PITPNM2: variants seen among roughly 807,000 people sequenced by gnomAD.
PITPNM2 encodes the protein phosphatidylinositol transfer protein membrane associated 2.
Under a neutral mutation model 132.2 loss-of-function variants are expected in PITPNM2, and 35 were observed. The ratio of observed to expected loss-of-function variants is 0.26; its 90% confidence interval spans 0.20 to 0.35. The LOEUF (loss-of-function observed/expected upper bound fraction) is 0.35, where lower values mean the gene tolerates loss of function less well. PITPNM2 is among the 10% of genes least tolerant of loss of function. The pLI is 1.00. For synonymous variants in PITPNM2, 738 were observed against 799.2 expected (o/e 0.92, Z 1.29); for missense variants, 1,332 against 1,912.0 (o/e 0.70, Z 5.66).
chr12:123,005,562 G>A lies in PITPNM2; in HGVS notation c.644-14C>T, dbSNP rs1339168619. 6.2e-7 allele frequency: 1 copy of A among 1,607,544 alleles called. No individual in the cohort carries two copies. The highest frequency in any genetic ancestry group is 1.1e-5 in the South Asian group (1 of 90,868). On this transcript the variant is annotated splice_polypyrimidine_tract_variant and intron_variant, in intron 6 of 25. Transcript: ENST00000320201. This position sits in a 1 kb window ranked among gnomAD's most constrained non-coding sequence, Gnocchi z 6.2. The stretch of plus-strand genomic sequence containing the variant: ...CCCTCCGTAGTCCTGTGCCCCATGG[G>A]GATCAGAGAGGGAGAGACGAGGGGA...
At chr12:123,057,878 G>A (rs1464193457) in intron 2 of PITPNM2, among the ~76,000 whole-genome samples, 1 of 152,192 alleles carries the variant, frequency 6.6e-6, no homozygotes, top group African/African-American at 2.4e-5. Flanking sequence ...GGGGGAATCA[G>A]GTGCAGCTGC....
Position 123,043,770 on chromosome 12 carries a change from C to T in PITPNM2, c.-95-9085G>A, listed in dbSNP as rs58705131. 2.2e-3 allele frequency among the ~76,000 whole-genome samples: 332 copies of T among 152,340 alleles called. 1 individual carries two copies. Among genetic ancestry groups the T allele is most frequent in the African/African-American group, 7.6e-3 (318 of 41,580 alleles). ...GTGGTACAGACCACAGAGCAGGCTC[C>T]GAGAGGGCGCATCCTGCTCAAGGAC... On this transcript the variant is annotated intron_variant, in intron 2 of 25. Coordinates refer to ENST00000320201, the MANE Select transcript of PITPNM2 (RefSeq NM_020845.3).
At chr12:122,995,070 T>C in intron 14 of PITPNM2, 91 bp from the exon 15 acceptor site, 3 of 1,367,598 alleles carry the variant, frequency 2.2e-6, no homozygotes, top group Non-Finnish European at 2.9e-6. Context: ...CCAACCTCTC[T>C]CGGGGGCCCA....
intron 2 of PITPNM2, among the ~76,000 whole-genome samples, chr12:123,039,122 T>G (rs1487062874): frequency 6.6e-6 from 1 of 152,012 alleles, no homozygotes; most frequent in Non-Finnish European, 1.5e-5. Context: ...CCTCCCACCA[T>G]GCACCCCTGG....
rs2042103318 is a variant in PITPNM2, at chr12:123,086,047, C to A, written c.-96+24338G>T. On this transcript the variant is annotated intron_variant, in intron 2 of 25. Transcript: ENST00000320201. ...TGCACCCTTTTCCTGAAATGCACTTCCCGATATTCCGTAACCTGCTTCCTA... is the reference window on the plus strand; with the variant it reads ...TGCACCCTTTTCCTGAAATGCACTTACCGATATTCCGTAACCTGCTTCCTA... 2.6e-5 allele frequency among the ~76,000 whole-genome samples: 4 copies of A among 152,254 alleles called. No individual in the cohort carries two copies. In the South Asian group the frequency reaches 8.3e-4, roughly 32 times the overall value.
At chr12:122,995,702 G>A in intron 13 of PITPNM2, 42 bp from the exon 14 acceptor site, 1 of 1,532,166 alleles carries the variant, frequency 6.5e-7, no homozygotes, top group Non-Finnish European at 8.7e-7. Flanking sequence ...GTGGCCGCTG[G>A]CCTGACCCCT....
At chr12:123,049,528 C>T (rs75046606) in intron 2 of PITPNM2, among the ~76,000 whole-genome samples, 2 of 152,202 alleles carry the variant, frequency 1.3e-5, no homozygotes, top group East Asian at 3.8e-4. Flanking sequence ...AGGAAGCACC[C>T]ATTCCCCAGG....
At chr12:123,071,261 G>C (rs1205565938) in intron 2 of PITPNM2, among the ~76,000 whole-genome samples, 1 of 152,228 alleles carries the variant, frequency 6.6e-6, no homozygotes, top group African/African-American at 2.4e-5. Context: ...TCCAGCCCCT[G>C]CTCTTTCTGG....
At chr12:123,049,091 G>T (rs1390217604) in intron 2 of PITPNM2, among the ~76,000 whole-genome samples, 2 of 152,034 alleles carry the variant, frequency 1.3e-5, no homozygotes, top group Non-Finnish European at 2.9e-5. Context: ...CTATGATTGT[G>T]CCACTGCACT....
chr12:123,028,523 G>A (rs1322057525), intron 3 of PITPNM2, among the ~76,000 whole-genome samples: 1 of 152,218 alleles, frequency 6.6e-6, no homozygotes, highest in African/African-American at 2.4e-5. Context: ...TGAAACGTAT[G>A]TGAAATCTAT....
Position 123,028,980 on chromosome 12 carries a change from C to T in PITPNM2, c.78+5533G>A, listed in dbSNP as rs368359460. ...GCCTTGGGTCTCCAAGTCGGGGTGG[C>T]CTGAACCTCTCCCCTCCTGCCCACC... On this transcript the variant is annotated intron_variant, in intron 3 of 25. Transcript: ENST00000320201. 9.1e-4 allele frequency among the ~76,000 whole-genome samples: 139 copies of T among 152,276 alleles called. 4 individuals carry two copies. In the South Asian group the frequency reaches 0.028, roughly 31 times the overall value.
intron 2 of PITPNM2, among the ~76,000 whole-genome samples, chr12:123,085,359 C>T (rs561037643): frequency 7.2e-5 from 11 of 152,170 alleles, no homozygotes; most frequent in Admixed American, 2.0e-4. Context: ...AAAGCCCACC[C>T]CCTACAACAC....
intron 2 of PITPNM2, among the ~76,000 whole-genome samples, chr12:123,076,595 T>G (rs1203473652): frequency 2.0e-5 from 3 of 152,176 alleles, no homozygotes; most frequent in Admixed American, 2.0e-4. Flanking sequence ...CCAATTCTGG[T>G]CCCACCCTCA....
At chr12:123,129,655 T>C (rs2043220570) in intron 1 of PITPNM2, among the ~76,000 whole-genome samples, 1 of 152,200 alleles carries the variant, frequency 6.6e-6, no homozygotes, top group Non-Finnish European at 1.5e-5. Flanking sequence ...TTTATTTGTA[T>C]ATTTTTCTCT....
At chr12:123,053,600 C>T (rs1474718182) in intron 2 of PITPNM2, among the ~76,000 whole-genome samples, 1 of 146,684 alleles carries the variant, frequency 6.8e-6, no homozygotes, top group Non-Finnish European at 1.5e-5. Context: ...GGAGTTTTGC[C>T]CTTGTTGCCC....
chr12:122,991,897 G>A (rs750335214), intron 16 of PITPNM2: 42 of 1,310,130 alleles, frequency 3.2e-5, no homozygotes, highest in Middle Eastern at 2.0e-4. Flanking sequence ...GCACGGTCTC[G>A]ACTGGAGGCA....
Position 122,992,765 on chromosome 12 carries a change from G to A in PITPNM2, c.2234-96C>T, listed in dbSNP as rs2038250980. ...GGAACTGGGCACTGGGTTGTCTGCT[G>A]AAAGTTAGGGATAAGATGGGGGGTG... is the stretch of plus-strand genomic sequence containing the variant. On this transcript the variant is annotated intron_variant, in intron 15 of 25. Coordinates refer to ENST00000320201, the MANE Select transcript of PITPNM2 (RefSeq NM_020845.3). The surrounding 1 kb of genome is among the most constrained non-coding windows in gnomAD (Gnocchi z 6.5). The A allele has an allele frequency of 1.4e-5, 12 of 879,292 alleles. No individual in the cohort carries two copies. Among genetic ancestry groups the A allele is most frequent in the Middle Eastern group, 3.4e-4 (1 of 2,946 alleles). 54.5% of individuals were successfully genotyped at this position (879,292 alleles called of 1,614,324 possible). A position where few individuals can be genotyped will look rare whatever the true frequency, so the allele number is the denominator to read the frequency against.
At chr12:122,999,232 G>A (rs1457830880) in intron 10 of PITPNM2, among the ~76,000 whole-genome samples, 1 of 152,096 alleles carries the variant, frequency 6.6e-6, no homozygotes, top group Non-Finnish European at 1.5e-5. Flanking sequence ...AGGCTGGGCT[G>A]CCCTCACCCC....
chr12:122,996,676 A>G, intron 12 of PITPNM2, 45 bp downstream of exon 12: 1 of 1,611,268 alleles, frequency 6.2e-7, no homozygotes, highest in Non-Finnish European at 8.5e-7. Flanking sequence ...CCCGCCCTAC[A>G]GGGTCTTCCA....
Sources: allele counts gnomAD v4.1 joint callset (sites outside exome capture counted in the v4.1 genomes callset), GRCh38; gene constraint gnomAD v4.1.1; non-coding constraint Gnocchi (gnomAD v3.1); transcripts MANE v1.5; gene names NCBI Gene and HGNC (gene_info 2026-07-23, HGNC 2026-07-21).